Variants in PIDD1 observed in about 807,000 individuals in gnomAD.
PIDD1 encodes p53-induced death domain-containing protein 1.
PIDD1 carries 72 observed loss-of-function variants against 80.0 expected under a neutral mutation model. That is an observed-to-expected ratio of 0.90 (90% CI 0.74 to 1.09). The LOEUF (loss-of-function observed/expected upper bound fraction) is 1.09. Among genes scored for constraint, PIDD1 ranks in the 50% least tolerant of loss-of-function variants. The pLI, the probability that PIDD1 is intolerant of heterozygous loss-of-function variation, is 0.00. For synonymous variants in PIDD1, 655 were observed against 543.5 expected, an observed-to-expected ratio of 1.21 and a Z score of -2.85; for missense variants, 1,329 against 1,228.3, an observed-to-expected ratio of 1.08 and a Z score of -1.23.
Position 803,485 on chromosome 11 carries a change from C to T in PIDD1, c.398G>A (p.Ser133Asn). Residue 133 changes from serine (S) to asparagine (N), a missense_variant, in exon 3 of 16, where the codon AGC becomes AAC. Coordinates refer to ENST00000347755, the MANE Select transcript of PIDD1 (RefSeq NM_145886.4). ...GLAHLAHLDLSFNSLETLPAC... is the reference protein window; with the variant it reads ...GLAHLAHLDLNFNSLETLPAC... ...CGGCAGTGTCTCCAGGCTGTTGAAG[C>T]TCAGGTCCAGGTGGGCCAGATGGGC... The T allele has an allele frequency of 6.2e-7, 1 of 1,613,706 alleles. No individual in the cohort carries two copies. Among genetic ancestry groups the T allele is most frequent in the Non-Finnish European group, 8.5e-7 (1 of 1,179,998 alleles).
chr11:807,057 T>C (rs1021286403), upstream of PIDD1, among the ~76,000 whole-genome samples: 3 of 151,794 alleles, frequency 2.0e-5, no homozygotes, highest in African/African-American at 7.3e-5. Context: ...CCAGGTGTGG[T>C]GGCAGGCGCC....
chr11:799,192 A>C lies in PIDD1; in HGVS notation c.*115T>G. The C allele has an allele frequency of 9.3e-7, 1 of 1,071,592 alleles. No individual in the cohort carries two copies. The highest frequency in any genetic ancestry group is 1.3e-6 in the Non-Finnish European group (1 of 768,404). The allele number at this position is 1,071,592 out of a possible 1,614,324, so 66.4% of individuals were successfully genotyped here. A position where few individuals can be genotyped will look rare whatever the true frequency, so the allele number is the denominator to read the frequency against. Reference sequence around the variant, plus strand: ...TAAATCAAGCTCTGAGGTGAAAGAAACAGTGCAGTTTTGTTGCTCACAGGG... The same window carrying C: ...TAAATCAAGCTCTGAGGTGAAAGAACCAGTGCAGTTTTGTTGCTCACAGGG... On this transcript the variant is annotated 3_prime_UTR_variant, in exon 16 of 16. Coordinates refer to ENST00000347755, the MANE Select transcript of PIDD1 (RefSeq NM_145886.4).
Position 801,445 on chromosome 11 carries a change from C to T in PIDD1, c.1482G>A (p.Gln494=). 1 of 1,551,204 alleles carries T rather than the reference C, an allele frequency of 6.4e-7. No individual in the cohort carries two copies. Among genetic ancestry groups the T allele is most frequent in the South Asian group, 1.2e-5 (1 of 82,078 alleles). ...ATEEPRRVSM[Q]VVRMAGRELQ... is the part of the protein sequence containing the mutation. ...ACCCTCAGTGCTGTCCTGGCCATAC[C>T]TGCATGGAGACTCGACGAGGCTCCT... Residue 494 remains glutamine (Q), a splice_region_variant and synonymous_variant, in exon 8 of 16, where the codon CAG becomes CAA. Coordinates refer to ENST00000347755, the MANE Select transcript of PIDD1 (RefSeq NM_145886.4).
upstream of PIDD1, chr11:805,504 C>T: frequency 1.7e-6 from 1 of 598,550 alleles, no homozygotes; most frequent in South Asian, 7.5e-5. Context: ...GGCCACGAAA[C>T]CCGCCCTTTC....
chr11:802,460 C>T, intron 5 of PIDD1, 64 bp from the exon 6 acceptor site: 2 of 1,599,492 alleles, frequency 1.3e-6, no homozygotes, highest in Non-Finnish European at 1.7e-6. Context: ...GAGCCTGGAC[C>T]CAGGAACTCT....
At position 799,977 on chromosome 11, in the gene PIDD1, C is replaced by T; in HGVS notation, c.2312G>A (p.Gly771Asp). The change falls in exon 15 of 16, where the codon GGC becomes GAC. Residue 771 changes from glycine (G) to aspartate (D), a missense_variant. By Grantham distance (94) the Gly-to-Asp change is moderately conservative. Coordinates refer to ENST00000347755, the MANE Select transcript of PIDD1 (RefSeq NM_145886.4). ...CAGATTCAAGGGTGCCAAGGAGAGG[C>T]CAGCCCCCCGCCGTGGCCCCTCGGA... ...RGSEGPRRGA[G>D]LSLAPLNLGD... 1.2e-6 allele frequency: 2 copies of T among 1,612,854 alleles called. No homozygotes were observed. The highest frequency in any genetic ancestry group is 1.7e-6 in the Non-Finnish European group (2 of 1,179,958).
At chr11:804,736 G>T (rs1865659889) in intron 1 of PIDD1, 2 of 264,280 alleles carry the variant, frequency 7.6e-6, no homozygotes, top group South Asian at 1.6e-4. Context: ...TTCAGTCCTG[G>T]TCCTGGAAAT....
intron 4 of PIDD1, 40 bp downstream of exon 4, chr11:802,642 T>G (rs775081899): frequency 6.2e-7 from 1 of 1,608,206 alleles, no homozygotes; most frequent in Non-Finnish European, 8.5e-7. Flanking sequence ...AGGAGACTCA[T>G]GTCCTATCCC....
chr11:805,254 G>C (rs1865706418), upstream of PIDD1: 7 of 980,930 alleles, frequency 7.1e-6, no homozygotes, highest in Non-Finnish European at 8.5e-6. Flanking sequence ...GCGCGTTTCT[G>C]GGTGGGCGGG....
chr11:802,661 C>T, intron 4 of PIDD1, 21 bp downstream of exon 4: 1 of 1,607,632 alleles, frequency 6.2e-7, no homozygotes, highest in Non-Finnish European at 8.5e-7. Context: ...CCAGGTCTGC[C>T]CCTTCTAGCA....
chr11:799,696 C>T, intron 15 of PIDD1, 119 bp downstream of exon 15: 1 of 1,381,898 alleles, frequency 7.2e-7, no homozygotes, highest in Non-Finnish European at 9.6e-7. Flanking sequence ...CCTTTCCAGC[C>T]TGGTGTTTGC....
At chr11:807,264 G>C (rs1251912907), upstream of PIDD1, among the ~76,000 whole-genome samples, 3 of 151,928 alleles carry the variant, frequency 2.0e-5, no homozygotes, top group African/African-American at 7.3e-5. Context: ...GCCGAGGCGG[G>C]TGGATCAGGT....
chr11:801,274 G>A lies in PIDD1; in HGVS notation c.1574C>T (p.Pro525Leu), dbSNP rs1171685434. The A allele has an allele frequency of 1.9e-6, 3 of 1,583,662 alleles. No homozygotes were observed. Among genetic ancestry groups the A allele is most frequent in the Non-Finnish European group, 1.7e-6 (2 of 1,164,774 alleles). The change falls in exon 9 of 16, where the codon CCC (proline) becomes CTC (leucine). Residue 525 changes from proline to leucine, a missense_variant. By Grantham distance (98) the Pro-to-Leu change is moderately conservative (BLOSUM62 -3). Coordinates refer to ENST00000347755, the MANE Select transcript of PIDD1 (RefSeq NM_145886.4). Reference protein sequence around the residue: ...SPLLCLSQSGPPSFLQPVTVQ... With the variant: ...SPLLCLSQSGLPSFLQPVTVQ... ...GGTGACCGGTTGGAGGAAGCTGGGG[G>A]GACCGCTCTGTGACAGGCACAGCAG...
rs534430332 is a variant in PIDD1 at position 803,440 on chromosome 11, C to T, written c.443G>A (p.Arg148Gln). The T allele has an allele frequency of 7.4e-6, 12 of 1,613,874 alleles. No individual in the cohort carries two copies. The highest frequency in any genetic ancestry group is 6.7e-5 in the Admixed American group (4 of 60,022). The change falls in exon 3 of 16, where the codon CGA becomes CAA. Residue 148 changes from arginine to glutamine, a missense_variant. By Grantham distance (43) the Arg-to-Gln change is conservative (BLOSUM62 1). Transcript: ENST00000347755. ...ETLPACVLQMRGLGALLLSHN... is the reference protein window; with the variant it reads ...ETLPACVLQMQGLGALLLSHN... ...AGACAGCAAGAGCGCACCCAGACCT[C>T]GCATCTGCAGGACACAGGCCGGCAG...
rs1267916930 is a variant in PIDD1 at position 800,767 on chromosome 11, T to C, written c.1912A>G (p.Asn638Asp). 3.9e-6 allele frequency: 6 copies of C among 1,548,146 alleles called. No individual in the cohort carries two copies. The highest frequency in any genetic ancestry group is 4.4e-6 in the Non-Finnish European group (5 of 1,146,986). The change falls in exon 11 of 16, where the codon AAC becomes GAC. Residue 638 changes from asparagine to aspartate, a missense_variant. By Grantham distance (23) the Asn-to-Asp change is conservative. Transcript: ENST00000347755. ...EQVLLQCLPR[N>D]KVDATLRRLL... ...CCTCCGGCCCGTGCCCCCACCTTGTTTCGGGGCAGGCACTGCAGCAGGACC... is the reference window on the plus strand; with the variant it reads ...CCTCCGGCCCGTGCCCCCACCTTGTCTCGGGGCAGGCACTGCAGCAGGACC...
intron 15 of PIDD1, 83 bp from the exon 16 acceptor site, chr11:799,648 A>C: frequency 6.8e-7 from 1 of 1,465,470 alleles, no homozygotes; most frequent in Non-Finnish European, 9.0e-7. Flanking sequence ...AGTGTGGGGG[A>C]GTTCCCGGCT....
chr11:802,629 G>A, intron 4 of PIDD1, 32 bp from the exon 5 acceptor site: 2 of 1,608,288 alleles, frequency 1.2e-6, no homozygotes, highest in Non-Finnish European at 1.7e-6. Context: ...GCTCAGGACA[G>A]TGAGGAGACT....
In PIDD1 at chr11:801,624, G is replaced by A. The variant is rs368521291; in HGVS notation, c.1303C>T (p.Arg435Trp). The change falls in exon 8 of 16, where the codon CGG (arginine) becomes TGG (tryptophan). Residue 435 changes from arginine (R) to tryptophan (W), a missense_variant and splice_region_variant. By Grantham distance (101) the Arg-to-Trp change is moderately radical. Transcript: ENST00000347755. ...GGCACCTGGCAGTGAGCCCAGAGCCGCTGGGATGGGGGAGAGAGGAGGTCA... is the reference window on the plus strand; with the variant it reads ...GGCACCTGGCAGTGAGCCCAGAGCCACTGGGATGGGGGAGAGAGGAGGTCA... ...ETYLEEEAPQ[R>W]LWAHCQVPHF... The A allele has an allele frequency of 5.9e-6, 9 of 1,516,416 alleles. No individual in the cohort carries two copies. The highest frequency in any genetic ancestry group is 4.8e-5 in the South Asian group (4 of 83,730). The allele number at this position is 1,516,416 out of a possible 1,614,324, so 93.9% of individuals were successfully genotyped here. A position where few individuals can be genotyped will look rare whatever the true frequency, so the allele number is the denominator to read the frequency against.
At chr11:803,113 A>G in intron 3 of PIDD1, 61 bp downstream of exon 3, 2 of 1,258,772 alleles carry the variant, frequency 1.6e-6, no homozygotes, top group South Asian at 2.7e-5. Context: ...CCTGCAGAAG[A>G]CAGGCAGGCT....
Sources: gnomAD v4.1 joint callset for allele counts (sites outside exome capture counted in the v4.1 genomes callset) on GRCh38, gnomAD v4.1.1 for gene constraint, MANE v1.5 for transcripts, NCBI Gene and HGNC (gene_info 2026-07-23, HGNC 2026-07-21) for gene names.